The following MACROD2 variants were observed in gnomAD, a reference collection of about 807,000 sequenced individuals.
MACROD2 encodes the protein mono-ADP ribosylhydrolase 2.
A neutral mutation model predicts 70.4 loss-of-function variants in MACROD2; 36 were observed. The ratio of observed to expected loss-of-function variants is 0.51; its 90% confidence interval spans 0.39 to 0.68. The LOEUF (loss-of-function observed/expected upper bound fraction) is 0.68. Among genes scored for constraint, MACROD2 ranks in the 30% least tolerant of loss-of-function variants. MACROD2 has a pLI of 0.00. For synonymous variants in MACROD2, 172 were observed against 178.8 expected (o/e 0.96, Z 0.30); for missense variants, 496 against 538.4 (o/e 0.92, Z 0.78).
intron 3 of MACROD2, among the ~76,000 whole-genome samples, chr20:14,307,191 A>AATG (rs1453843675): frequency 3.9e-5 from 6 of 152,174 alleles, no homozygotes; most frequent in Non-Finnish European, 8.8e-5. Flanking sequence ...TGGCCTCCAT[A>AATG]TTAATTTAAT....
At chr20:15,922,310 C>G (rs1051823555) in intron 10 of MACROD2, among the ~76,000 whole-genome samples, 1 of 150,982 alleles carries the variant, frequency 6.6e-6, no homozygotes, top group Non-Finnish European at 1.5e-5. Flanking sequence ...TTTCAGAAGC[C>G]ACATTTATAA....
intron 5 of MACROD2, among the ~76,000 whole-genome samples, chr20:14,792,253 G>C (rs2327890): frequency 0.082 from 12,507 of 152,048 alleles, 732 homozygotes; most frequent in African/African-American, 0.16. Flanking sequence ...ATATAAGACT[G>C]TTAGATTAGT....
At chr20:14,821,758 AC>A (rs1468852672) in intron 5 of MACROD2, among the ~76,000 whole-genome samples, 1 of 152,038 alleles carries the variant, frequency 6.6e-6, no homozygotes, top group East Asian at 1.9e-4. Flanking sequence ...TAGGGAGAAC[AC>A]TCAAGACCAC....
intron 8 of MACROD2, among the ~76,000 whole-genome samples, chr20:15,553,105 A>G (rs761560129): frequency 2.0e-5 from 3 of 152,220 alleles, no homozygotes; most frequent in African/African-American, 4.8e-5. Context: ...TTTTAGATCT[A>G]TTAACAGGCA....
intron 5 of MACROD2, chr20:14,893,687 T>A (rs568180103): frequency 1.1e-4 from 16 of 152,180 alleles, no homozygotes; most frequent in Non-Finnish European, 1.8e-4. Flanking sequence ...CTTTTGTGAT[T>A]TGTAAGTTCA....
At chr20:15,753,396 CTTAGT>C (rs2051301737) in intron 8 of MACROD2, among the ~76,000 whole-genome samples, 1 of 152,196 alleles carries the variant, frequency 6.6e-6, no homozygotes, top group African/African-American at 2.4e-5. Flanking sequence ...TGTTAATTCA[CTTAGT>C]ATAATGGCCT....
intron 8 of MACROD2, among the ~76,000 whole-genome samples, chr20:15,780,521 A>C (rs1254644457): frequency 2.0e-5 from 3 of 152,198 alleles, no homozygotes; most frequent in African/African-American, 7.2e-5. Flanking sequence ...GGGCAATGAC[A>C]TGCAGTGGTA....
chr20:15,578,091 C>T (rs1191693516), intron 8 of MACROD2, among the ~76,000 whole-genome samples: 3 of 152,194 alleles, frequency 2.0e-5, no homozygotes, highest in Non-Finnish European at 2.9e-5. Flanking sequence ...GTTTGTCTGA[C>T]ACCAAGTTAC....
chr20:14,220,320 G>C (rs948019698), intron 3 of MACROD2, among the ~76,000 whole-genome samples: 1 of 151,970 alleles, frequency 6.6e-6, no homozygotes, highest in African/African-American at 2.4e-5. Flanking sequence ...GGGGAAAGGG[G>C]GCAGTCACAG....
intron 5 of MACROD2, among the ~76,000 whole-genome samples, chr20:15,217,371 A>G (rs2076819903): frequency 6.6e-6 from 1 of 152,162 alleles, no homozygotes; most frequent in Admixed American, 6.5e-5. Flanking sequence ...CCCACACAAC[A>G]AACTTGACAA....
At chr20:14,225,423 T>C (rs1307214971) in intron 3 of MACROD2, among the ~76,000 whole-genome samples, 1 of 152,242 alleles carries the variant, frequency 6.6e-6, no homozygotes, top group East Asian at 1.9e-4. Context: ...ATGATAGATA[T>C]GTATTAACAT....
intron 4 of MACROD2, among the ~76,000 whole-genome samples, chr20:14,629,379 G>GT (rs1397662299): frequency 6.6e-6 from 1 of 152,178 alleles, no homozygotes; most frequent in Non-Finnish European, 1.5e-5. Flanking sequence ...ACAACACACA[G>GT]TCTCTTGATT....
At position 14,577,234 on chromosome 20, in the gene MACROD2, A is replaced by G. The variant is rs6105296; in HGVS notation, c.301+83726A>G. On this transcript the variant is annotated intron_variant, in intron 4 of 17. Transcript: ENST00000684519. ...AGAGATTTTAAAATTCTAAAATGCT[A>G]TATGTGAGTATCTTATAAATGAAAT... 8.5e-3 allele frequency among the ~76,000 whole-genome samples: 1,290 copies of G among 152,340 alleles called. 21 individuals are homozygous for G. The highest frequency in any genetic ancestry group is 0.029 in the African/African-American group (1,204 of 41,576).
intron 5 of MACROD2, among the ~76,000 whole-genome samples, chr20:15,066,682 C>G (rs1013615608): frequency 1.3e-5 from 2 of 151,762 alleles, no homozygotes; most frequent in African/African-American, 4.8e-5. Context: ...GAGTTCAAAA[C>G]CAGCCTGGCC....
At chr20:15,144,469 T>G (rs2076216022) in intron 5 of MACROD2, among the ~76,000 whole-genome samples, 1 of 152,152 alleles carries the variant, frequency 6.6e-6, no homozygotes, top group African/African-American at 2.4e-5. Flanking sequence ...ACATAGTGAC[T>G]TTGAAACTTT....
intron 4 of MACROD2, among the ~76,000 whole-genome samples, chr20:14,506,941 A>G (rs1568644565): frequency 6.6e-6 from 1 of 152,098 alleles, no homozygotes; most frequent in Non-Finnish European, 1.5e-5. Context: ...ACAGAGCGAG[A>G]CTCTGTCTCA....
At chr20:14,469,377 A>C (rs745313835) in intron 3 of MACROD2, among the ~76,000 whole-genome samples, 11 of 151,302 alleles carry the variant, frequency 7.3e-5, no homozygotes, top group Non-Finnish European at 5.9e-5. Context: ...CCTTCGTTTC[A>C]ACCTTGGTGA....
At chr20:14,592,746 T>C (rs1332801942) in intron 4 of MACROD2, among the ~76,000 whole-genome samples, 1 of 152,210 alleles carries the variant, frequency 6.6e-6, no homozygotes, top group Non-Finnish European at 1.5e-5. Context: ...CTCAATGTTA[T>C]TAGGTTACAT....
chr20:14,444,161 A>C (rs1480794570), intron 3 of MACROD2, among the ~76,000 whole-genome samples: 1 of 152,156 alleles, frequency 6.6e-6, no homozygotes, highest in Non-Finnish European at 1.5e-5. Flanking sequence ...TTAGAAGCAT[A>C]AGAAAAAGTT....
Sources: gnomAD v4.1 joint callset for allele counts (sites outside exome capture counted in the v4.1 genomes callset) on GRCh38, gnomAD v4.1.1 for gene constraint, MANE v1.5 for transcripts, NCBI Gene and HGNC (gene_info 2026-07-23, HGNC 2026-07-21) for gene names.